Variants in GPHN observed in about 807,000 individuals in gnomAD.
GPHN encodes gephyrin.
GPHN carries 17 observed loss-of-function variants against 95.5 expected under a neutral mutation model. The observed-to-expected ratio is 0.18, with a 90% CI of 0.12 to 0.27. The LOEUF (loss-of-function observed/expected upper bound fraction) is 0.27, where lower values mean the gene tolerates loss of function less well. Among genes scored for constraint, GPHN ranks in the 10% least tolerant of loss-of-function variants. The probability of loss-of-function intolerance (pLI) is 1.00; values close to 1 mark genes in which losing one functional copy is unlikely to be tolerated. For missense variants in GPHN, 660 were observed against 978.1 expected, an observed-to-expected ratio of 0.67 and a Z score of 4.34; for synonymous variants, 320 against 322.5, an observed-to-expected ratio of 0.99 and a Z score of 0.08.
intron 9 of GPHN, among the ~76,000 whole-genome samples, chr14:66,972,453 T>C (rs888260261): frequency 1.9e-4 from 29 of 151,874 alleles, no homozygotes; most frequent in African/African-American, 6.8e-4. Flanking sequence ...GTAAAAATGG[T>C]ATTCTGTATT....
the GPHN span, chr14:67,578,337 T>C: frequency 2.6e-5 from 21 of 810,620 alleles, no homozygotes; most frequent in Non-Finnish European, 2.2e-5. The surrounding 1 kb of genome is among the most constrained non-coding windows in gnomAD (Gnocchi z 5.0). Flanking sequence ...GCTGCATCAG[T>C]ACGGCTGAGC....
chr14:66,902,681 A>G (rs999583816), intron 5 of GPHN, among the ~76,000 whole-genome samples: 16 of 152,078 alleles, frequency 1.1e-4, no homozygotes, highest in African/African-American at 3.9e-4. Flanking sequence ...ATTGATTTGC[A>G]TATGTTGAAC....
the GPHN span, among the ~76,000 whole-genome samples, chr14:67,372,220 T>G: frequency 6.6e-6 from 1 of 152,208 alleles, no homozygotes; most frequent in Non-Finnish European, 1.5e-5. Context: ...ATTATCTTTT[T>G]AACAAATGGT....
At chr14:67,524,053 C>T in the GPHN span, among the ~76,000 whole-genome samples, 3 of 152,128 alleles carry the variant, frequency 2.0e-5, no homozygotes, top group East Asian at 3.9e-4. Context: ...AGGAACTGGC[C>T]GCTCAGAGAC....
the GPHN span, among the ~76,000 whole-genome samples, chr14:67,611,432 T>C: frequency 6.6e-6 from 1 of 151,848 alleles, no homozygotes; most frequent in Admixed American, 6.6e-5. Context: ...TTTTTGGTTT[T>C]TTTTTTGTAT....
the GPHN span, among the ~76,000 whole-genome samples, chr14:67,469,440 C>CTTTTTTTTT: frequency 4.0e-4 from 32 of 80,876 alleles, no homozygotes; most frequent in Admixed American, 5.4e-4. Context: ...CCATGCCTGG[C>CTTTTTTTTT]TTTTTTTTTT....
At chr14:66,650,116 A>G (rs1365192293) in intron 1 of GPHN, among the ~76,000 whole-genome samples, 1 of 151,792 alleles carries the variant, frequency 6.6e-6, no homozygotes, top group Non-Finnish European at 1.5e-5. Flanking sequence ...AGCTGCATTT[A>G]AAAGAAAATA....
chr14:67,270,755 TC>T, the GPHN span: 1 of 152,200 alleles, frequency 6.6e-6, no homozygotes, highest in African/African-American at 2.4e-5. Context: ...GTATAATGTT[TC>T]TTTAATTCTG....
chr14:67,029,339 CTTT>C (rs71446327), intron 10 of GPHN, among the ~76,000 whole-genome samples: 2 of 139,160 alleles, frequency 1.4e-5, no homozygotes, highest in African/African-American at 2.6e-5. Context: ...TATCATTATT[CTTT>C]TTTTTTTTTT....
At chr14:67,638,667 C>CA in the GPHN span, among the ~76,000 whole-genome samples, 1 of 152,060 alleles carries the variant, frequency 6.6e-6, no homozygotes, top group African/African-American at 2.4e-5. Flanking sequence ...AAAGAAAAAA[C>CA]AGAGTTGGGA....
At chr14:66,556,711 A>G in intron 1 of GPHN, among the ~76,000 whole-genome samples, 1 of 152,004 alleles carries the variant, frequency 6.6e-6, no homozygotes, top group East Asian at 1.9e-4. Flanking sequence ...AAATATGTTT[A>G]TATAATTTTA....
At chr14:66,738,281 T>C (rs2072473720) in intron 2 of GPHN, among the ~76,000 whole-genome samples, 1 of 152,228 alleles carries the variant, frequency 6.6e-6, no homozygotes. Flanking sequence ...GTTTAAAATG[T>C]TAAATCAAAA....
At chr14:67,199,612 T>C in the GPHN span, 10 of 1,587,970 alleles carry the variant, frequency 6.3e-6, no homozygotes, top group African/African-American at 1.3e-5. Context: ...ACTCCAAGGG[T>C]GAGCGCCATG....
At chr14:66,918,384 G>C (rs1318136182) in intron 6 of GPHN, among the ~76,000 whole-genome samples, 1 of 152,162 alleles carries the variant, frequency 6.6e-6, no homozygotes, top group South Asian at 2.1e-4. Flanking sequence ...TAATCCTAAA[G>C]TAGAGAGAAG....
At chr14:67,296,677 GTAAATATTT>G in the GPHN span, among the ~76,000 whole-genome samples, 30 of 150,316 alleles carry the variant, frequency 2.0e-4, no homozygotes, top group African/African-American at 2.0e-4. Flanking sequence ...GATTACTTTG[GTAAATATTT>G]TAAATATTTT....
chr14:66,678,283 AT>A (rs202004253), intron 1 of GPHN, among the ~76,000 whole-genome samples: 1 of 150,926 alleles, frequency 6.6e-6, no homozygotes, highest in Non-Finnish European at 1.5e-5. Flanking sequence ...TCTTTTTTAA[AT>A]TTTTTTTTCC....
At chr14:67,327,880 G>C in the GPHN span, among the ~76,000 whole-genome samples, 2 of 152,146 alleles carry the variant, frequency 1.3e-5, no homozygotes, top group Non-Finnish European at 2.9e-5. Flanking sequence ...TCTTAATCCA[G>C]TCTATCATTG....
intron 12 of GPHN, among the ~76,000 whole-genome samples, chr14:67,096,647 G>A (rs914770009): frequency 7.1e-6 from 1 of 140,630 alleles, no homozygotes; most frequent in Non-Finnish European, 1.5e-5. Flanking sequence ...ACAGGATCTC[G>A]CTATGTTGCT....
At chr14:66,725,623 A>C (rs965951101) in intron 2 of GPHN, among the ~76,000 whole-genome samples, 1 of 152,178 alleles carries the variant, frequency 6.6e-6, no homozygotes, top group Admixed American at 6.5e-5. Context: ...AGCTGGGATT[A>C]CAGGTGCACG....
Sources: gnomAD v4.1 joint callset for allele counts (sites outside exome capture counted in the v4.1 genomes callset) on GRCh38, gnomAD v4.1.1 for gene constraint, Gnocchi (gnomAD v3.1) non-coding constraint, MANE v1.5 for transcripts, NCBI Gene and HGNC (gene_info 2026-07-23, HGNC 2026-07-21) for gene names.